The following ELF2 variants were observed in gnomAD, a reference collection of about 807,000 sequenced individuals.
The protein encoded by ELF2 is ETS-related transcription factor Elf-2.
ELF2 carries 11 observed loss-of-function variants against 54.8 expected under a neutral mutation model. The observed-to-expected ratio is 0.20, with a 90% confidence interval of 0.13 to 0.33. The LOEUF is 0.33. Among genes scored for constraint, ELF2 ranks in the 10% least tolerant of loss-of-function variants. The pLI is 1.00. For synonymous variants in ELF2, 203 were observed against 245.1 expected (o/e 0.83, Z 1.61); for missense variants, 513 against 703.0 (o/e 0.73, Z 3.06).
At chr4:139,132,841 C>T (rs866275633) in intron 3 of ELF2, among the ~76,000 whole-genome samples, 3 of 115,048 alleles carry the variant, frequency 2.6e-5, no homozygotes, top group Admixed American at 9.2e-5. Flanking sequence ...TATTACTTTA[C>T]ATATATATAT....
intron 4 of ELF2, among the ~76,000 whole-genome samples, chr4:139,083,631 C>G (rs1484207782): frequency 6.6e-6 from 1 of 152,162 alleles, no homozygotes; most frequent in African/African-American, 2.4e-5. Context: ...GAATTGTGGA[C>G]GAAGTCTGAA....
At chr4:139,149,698 G>A (rs576582257) in intron 1 of ELF2, among the ~76,000 whole-genome samples, 18 of 152,110 alleles carry the variant, frequency 1.2e-4, no homozygotes, top group East Asian at 7.7e-4. Flanking sequence ...AAATCTAACC[G>A]AAAGGGTGTA....
chr4:139,090,985 G>A (rs1560798560), intron 4 of ELF2, among the ~76,000 whole-genome samples: 1 of 152,110 alleles, frequency 6.6e-6, no homozygotes, highest in African/African-American at 2.4e-5. Flanking sequence ...CCAGGCTGGA[G>A]TGCAGTGGCG....
chr4:139,156,059 T>C (rs1740494488), intron 1 of ELF2, among the ~76,000 whole-genome samples: 1 of 152,256 alleles, frequency 6.6e-6, no homozygotes, highest in African/African-American at 2.4e-5. Flanking sequence ...TAACTTTTCA[T>C]TTCAAGAGTC....
rs1029326964 is a variant in ELF2 at position 139,084,427 on chromosome 4, G to A, written c.239-10860C>T. On this transcript the variant is annotated intron_variant, in intron 4 of 9. Transcript: ENST00000686138. The stretch of plus-strand genomic sequence containing the variant: ...ACCACCTAACGGCAGGGGCAGGGGC[G>A]GCAGGGGCAGGGGCGGCGGCGGCGG... 13 of 1,219,154 alleles carry A rather than the reference G, an allele frequency of 1.1e-5. No homozygotes were observed. In the South Asian group the frequency reaches 1.3e-4, roughly 12 times the overall value. 75.5% of individuals were successfully genotyped at this position (1,219,154 alleles called of 1,614,324 possible).
chr4:139,067,225 A>C (rs762270880), intron 7 of ELF2: 1 of 152,950 alleles, frequency 6.5e-6, no homozygotes, highest in African/African-American at 2.4e-5. Context: ...CAGGAGGTCA[A>C]GGCTGCAATG....
At chr4:139,080,630 G>C (rs1415901670) in intron 4 of ELF2, among the ~76,000 whole-genome samples, 1 of 151,926 alleles carries the variant, frequency 6.6e-6, no homozygotes, top group Non-Finnish European at 1.5e-5. Flanking sequence ...GACAAATAAA[G>C]GAAAAAGTCA....
Position 139,067,897 on chromosome 4 carries a change from T to C in ELF2, c.527-127A>G, listed in dbSNP as rs774561828. The C allele has an allele frequency of 2.3e-5, 20 of 862,676 alleles. No homozygotes were observed. The East Asian group carries it at 3.3e-4, about 14-fold the overall frequency. 53.4% of individuals were successfully genotyped at this position (862,676 alleles called of 1,614,324 possible). On this transcript the variant is annotated intron_variant, in intron 6 of 9. Transcript: ENST00000686138. ...CTAATTTGTAGATGAATATACTCTA[T>C]GAAAAGCTGCTTCTAAAAGGAGTAT...
At chr4:139,149,801 A>C (rs1338531882) in intron 1 of ELF2, among the ~76,000 whole-genome samples, 1 of 152,226 alleles carries the variant, frequency 6.6e-6, no homozygotes, top group Non-Finnish European at 1.5e-5. Flanking sequence ...CACTGTCTTA[A>C]GGATGTCAAT....
In ELF2 at chr4:139,077,270, C is replaced by T. The variant is rs75681043; in HGVS notation, c.239-3703G>A. On this transcript the variant is annotated intron_variant, in intron 4 of 9. Transcript: ENST00000686138. ...ATCCAAAATGCTTTAATGAGCACTT[C>T]GAGTGTCACATCAGTGCTCAGTTTC... Among the ~76,000 whole-genome samples the T allele has an allele frequency of 1.1e-3, 162 of 152,260 alleles. 4 individuals are homozygous for T. In the East Asian group the frequency reaches 0.018, roughly 17 times the overall value.
intron 4 of ELF2, among the ~76,000 whole-genome samples, chr4:139,086,486 A>G (rs898787541): frequency 2.0e-5 from 3 of 152,184 alleles, no homozygotes; most frequent in Non-Finnish European, 2.9e-5. Context: ...TTAAATGTCT[A>G]TTTGAGCTTT....
chr4:139,121,750 A>G (rs763142974), intron 4 of ELF2, among the ~76,000 whole-genome samples: 20 of 152,134 alleles, frequency 1.3e-4, no homozygotes, highest in Admixed American at 1.2e-3. Flanking sequence ...TATAATTACT[A>G]ATCTGCCATT....
chr4:139,164,135 A>G (rs1229305850), intron 1 of ELF2, among the ~76,000 whole-genome samples: 1 of 147,790 alleles, frequency 6.8e-6, no homozygotes, highest in East Asian at 2.0e-4. Context: ...AGAGAAAGAG[A>G]AAGAAGAGAG....
chr4:139,061,033 T>C (rs1388012756), intron 8 of ELF2, among the ~76,000 whole-genome samples: 1 of 152,220 alleles, frequency 6.6e-6, no homozygotes, highest in Non-Finnish European at 1.5e-5. Flanking sequence ...CTGATATTAC[T>C]GGAAAAATTA....
At chr4:139,151,020 T>A (rs1739828410) in intron 1 of ELF2, among the ~76,000 whole-genome samples, 1 of 64,660 alleles carries the variant, frequency 1.5e-5, no homozygotes, top group Non-Finnish European at 2.7e-5. Flanking sequence ...CGAGGCTCCA[T>A]CTCAAAAAAA....
intron 1 of ELF2, among the ~76,000 whole-genome samples, chr4:139,175,043 G>A (rs896764586): frequency 3.3e-4 from 50 of 152,300 alleles, no homozygotes; most frequent in African/African-American, 1.2e-3. Context: ...TTGTTCACCT[G>A]CAAAATGGAG....
At chr4:139,108,138 C>G (rs1734605346) in intron 4 of ELF2, among the ~76,000 whole-genome samples, 1 of 152,072 alleles carries the variant, frequency 6.6e-6, no homozygotes, top group African/African-American at 2.4e-5. Flanking sequence ...AAAGAAATGA[C>G]AAAGTACATT....
At chr4:139,107,565 A>G (rs558392887) in intron 4 of ELF2, among the ~76,000 whole-genome samples, 1 of 152,274 alleles carries the variant, frequency 6.6e-6, no homozygotes, top group South Asian at 2.1e-4. Context: ...AAGGGTAATA[A>G]CAATCAACAG....
chr4:139,150,655 A>T (rs1409656299), intron 1 of ELF2, among the ~76,000 whole-genome samples: 1 of 152,154 alleles, frequency 6.6e-6, no homozygotes, highest in East Asian at 1.9e-4. Context: ...CCAATGGAAC[A>T]CAATATAGAG....
Sources: allele counts gnomAD v4.1 joint callset (sites outside exome capture counted in the v4.1 genomes callset), GRCh38; gene constraint gnomAD v4.1.1; transcripts MANE v1.5; gene names NCBI Gene and HGNC (gene_info 2026-07-23, HGNC 2026-07-21).